OPHN1: variants seen among roughly 807,000 people sequenced by gnomAD.
OPHN1 encodes oligophrenin 1.
In OPHN1, 11 loss-of-function variants were observed where a neutral mutation model predicts 60.7. That is an observed-to-expected ratio of 0.18 (90% CI 0.11 to 0.30). The LOEUF is 0.30. OPHN1 is among the 10% of genes least tolerant of loss of function. OPHN1 has a pLI of 1.00. For synonymous variants in OPHN1, 226 were observed against 222.6 expected, an observed-to-expected ratio of 1.02 and a Z score of -0.14; for missense variants, 449 against 611.0, an observed-to-expected ratio of 0.73 and a Z score of 2.80.
intron 2 of OPHN1, among the ~76,000 whole-genome samples, chrX:68,382,388 C>T (rs2078601748): frequency 9.0e-6 from 1 of 111,218 alleles, no homozygotes; most frequent in African/African-American, 3.3e-5. Context: ...AATGCTATGG[C>T]ACCAGATGGC....
At chrX:68,296,667 AAAG>A (rs2078096961) in intron 3 of OPHN1, among the ~76,000 whole-genome samples, 1 of 106,535 alleles carries the variant, frequency 9.4e-6, no homozygotes, top group Non-Finnish European at 1.9e-5. Flanking sequence ...AAAAAAAAAA[AAAG>A]AAGCAAAAGA....
intron 2 of OPHN1, among the ~76,000 whole-genome samples, chrX:68,354,460 A>G (rs1232467110): frequency 9.8e-6 from 1 of 101,883 alleles, no homozygotes; most frequent in Non-Finnish European, 2.0e-5. Flanking sequence ...CTCAAAAAAA[A>G]AAAAAAAAAA....
Position 68,111,886 on chromosome X carries a change from C to T in OPHN1, c.1494G>A (p.Glu498=). Reference sequence around the variant, plus strand: ...AGTGTCTTATCAGAAGTTCCAGCATCTCTCGGTTCTTTTCTGGTAGCTTAT... The same window carrying T: ...AGTGTCTTATCAGAAGTTCCAGCATTTCTCGGTTCTTTTCTGGTAGCTTAT... ...LVYKLPEKNR[E]MLELLIRHLV... The change falls in exon 18 of 25, where the codon GAG becomes GAA. Residue 498 remains glutamate (E), a synonymous_variant. Transcript: ENST00000355520. 3.3e-6 allele frequency: 4 copies of T among 1,206,534 alleles called. No homozygotes were observed. In the South Asian group the frequency reaches 7.0e-5, roughly 21 times the overall value.
At chrX:68,309,801 A>G (rs1442368682) in intron 2 of OPHN1, among the ~76,000 whole-genome samples, 3 of 111,691 alleles carry the variant, frequency 2.7e-5, no homozygotes, top group African/African-American at 9.8e-5. Context: ...CTTCTTGTTG[A>G]TGGGTTAGCT....
chrX:68,070,047 G>C lies in OPHN1; in HGVS notation c.1834+3105C>G, dbSNP rs1032087095. 3.8e-4 allele frequency among the ~76,000 whole-genome samples: 42 copies of C among 111,528 alleles called. 1 individual carries two copies. The highest frequency in any genetic ancestry group is 1.3e-3 in the African/African-American group (39 of 30,709). On this transcript the variant is annotated intron_variant, in intron 20 of 24. Transcript: ENST00000355520. Reference sequence around the variant, plus strand: ...GAGGTTACTGAAAATTTGGCACAGAGGGAATGATGTGATCTGATTTCCATT... The same window carrying C: ...GAGGTTACTGAAAATTTGGCACAGACGGAATGATGTGATCTGATTTCCATT...
chrX:68,168,717 T>C (rs1391718356), intron 15 of OPHN1, among the ~76,000 whole-genome samples: 1 of 112,400 alleles, frequency 8.9e-6, no homozygotes, highest in Non-Finnish European at 1.9e-5. Context: ...ATCCAGGAGC[T>C]GGTTTTTTGA....
chrX:68,352,687 A>G (rs987029126), intron 2 of OPHN1, among the ~76,000 whole-genome samples: 3 of 112,182 alleles, frequency 2.7e-5, no homozygotes, highest in African/African-American at 9.7e-5. Flanking sequence ...AATCCTTCAT[A>G]AAGTCCTTCC....
At position 68,234,596 on chromosome X, in the gene OPHN1, T is replaced by A; in HGVS notation, c.385-8A>T. On this transcript the variant is annotated splice_polypyrimidine_tract_variant and splice_region_variant and intron_variant, in intron 5 of 24. Transcript: ENST00000355520. ...AAATTTCTTTTTCCGCTCCTAAAGG[T>A]GGGAAAGAAGGGCAAAGATTAAATG... is the stretch of plus-strand genomic sequence containing the variant. The A allele has an allele frequency of 8.7e-7, 1 of 1,143,024 alleles. No homozygotes were observed. The highest frequency in any genetic ancestry group is 1.2e-6 in the Non-Finnish European group (1 of 833,195). The allele number at this position is 1,143,024 out of a possible 1,213,427, so 94.2% of individuals were successfully genotyped here.
Position 68,112,061 on chromosome X carries a change from G to GCA in OPHN1, c.1421-104_1421-103dup, listed in dbSNP as rs56107322. 16,618 of 377,657 alleles carry GCA rather than the reference G, an allele frequency of 0.044. 191 individuals carry two copies. Among genetic ancestry groups the GCA allele is most frequent in the African/African-American group, 0.091 (2,835 of 31,259 alleles). The allele number at this position is 377,657 out of a possible 1,213,427, so 31.1% of individuals were successfully genotyped here. On this transcript the variant is annotated intron_variant, in intron 17 of 24. Transcript: ENST00000355520. ...CACAAACACACACACATGCACACAT[G>GCA]CACACACACACACACACACACACAC...
chrX:68,176,762 G>A (rs764330602), intron 15 of OPHN1, among the ~76,000 whole-genome samples: 1 of 110,823 alleles, frequency 9.0e-6, no homozygotes, highest in Non-Finnish European at 1.9e-5. Context: ...ATGACCTTGA[G>A]TAGTAAGATA....
intron 2 of OPHN1, among the ~76,000 whole-genome samples, chrX:68,416,081 G>T (rs1178954187): frequency 3.9e-3 from 75 of 19,208 alleles, no homozygotes; most frequent in Non-Finnish European, 4.9e-3. Context: ...GAGAGAGAGA[G>T]AGAGAGAGAG....
intron 19 of OPHN1, among the ~76,000 whole-genome samples, chrX:68,077,862 T>C (rs1281055864): frequency 8.9e-6 from 1 of 112,164 alleles, no homozygotes; most frequent in Non-Finnish European, 1.9e-5. Flanking sequence ...ATATTTTTTA[T>C]TGTTGCTTAA....
intron 16 of OPHN1, among the ~76,000 whole-genome samples, chrX:68,115,669 AG>A (rs1383821589): frequency 8.9e-6 from 1 of 112,083 alleles, no homozygotes; most frequent in Non-Finnish European, 1.9e-5. Flanking sequence ...AGAGGGGGTA[AG>A]AGTTAGATTA....
At chrX:68,049,859 G>A (rs1360660580) in intron 23 of OPHN1, among the ~76,000 whole-genome samples, 6 of 111,529 alleles carry the variant, frequency 5.4e-5, no homozygotes, top group Admixed American at 9.5e-5. Context: ...ATAAGCTGTC[G>A]GGCCTCTTTG....
chrX:68,216,367 T>C (rs1602241369), intron 6 of OPHN1, among the ~76,000 whole-genome samples: 1 of 110,988 alleles, frequency 9.0e-6, no homozygotes, highest in South Asian at 3.8e-4. Context: ...GTAAACAATA[T>C]AGTAGATACT....
At chrX:68,227,466 A>G (rs1007180608) in intron 6 of OPHN1, among the ~76,000 whole-genome samples, 2 of 111,383 alleles carry the variant, frequency 1.8e-5, no homozygotes, top group African/African-American at 6.5e-5. Context: ...TGTTCTCAGC[A>G]CCACATCGCA....
chrX:68,113,861 G>C, intron 16 of OPHN1, among the ~76,000 whole-genome samples: 1 of 103,406 alleles, frequency 9.7e-6, no homozygotes, highest in Non-Finnish European at 2.0e-5. Flanking sequence ...TATACCTAAT[G>C]TTAAATGACG....
At chrX:68,132,927 C>T (rs1056090502) in intron 15 of OPHN1, 32 of 372,777 alleles carry the variant, frequency 8.6e-5, no homozygotes, top group African/African-American at 7.6e-4. Context: ...TGAGTCCCTG[C>T]TTCCCCGAAG....
intron 18 of OPHN1, among the ~76,000 whole-genome samples, chrX:68,102,928 G>A (rs2077065780): frequency 9.0e-6 from 1 of 111,692 alleles, no homozygotes; most frequent in African/African-American, 3.3e-5. Flanking sequence ...CGGATTCACA[G>A]CCAAGTTCTA....
Sources: allele counts gnomAD v4.1 joint callset (sites outside exome capture counted in the v4.1 genomes callset), GRCh38; gene constraint gnomAD v4.1.1; transcripts MANE v1.5; gene names NCBI Gene and HGNC (gene_info 2026-07-23, HGNC 2026-07-21).